Variants in EPS15L1 observed in about 807,000 individuals in gnomAD.
EPS15L1 encodes the protein epidermal growth factor receptor pathway substrate 15 like 1.
In EPS15L1, 43 loss-of-function variants were observed where a neutral mutation model predicts 117.1. The ratio of observed to expected loss-of-function variants is 0.37; its 90% CI spans 0.29 to 0.47. EPS15L1 has a LOEUF of 0.47. Among genes scored for constraint, EPS15L1 ranks in the 20% least tolerant of loss-of-function variants. The pLI, the probability that EPS15L1 is intolerant of heterozygous loss-of-function variation, is 0.99. For missense variants in EPS15L1, 981 were observed against 1,164.0 expected (o/e 0.84, Z 2.29); for synonymous variants, 459 against 470.5 (o/e 0.98, Z 0.32).
At chr19:16,459,346 G>A (rs2093226802) in intron 1 of EPS15L1, among the ~76,000 whole-genome samples, 1 of 152,154 alleles carries the variant, frequency 6.6e-6, no homozygotes, top group African/African-American at 2.4e-5. Flanking sequence ...TTGATTTGAT[G>A]GAAAAGCTGC....
chr19:16,377,212 C>T lies in EPS15L1; in HGVS notation c.2290G>A (p.Gly764Arg). The change falls in exon 22 of 24, where the codon GGA becomes AGA. Residue 764 changes from glycine to arginine, a missense_variant. Physicochemically the swap from Gly to Arg is moderately radical, Grantham distance 125. Transcript: ENST00000455140. ...GPFTSSLGGA[G>R]FSDDPFKSKQ... ...CTTTTAAAGGGGTCATCTGAGAATC[C>T]TGCCCCTCCCAAGGAGGAGGTGAAA... is the stretch of plus-strand genomic sequence containing the variant. The T allele has an allele frequency of 6.2e-7, 1 of 1,612,736 alleles. No homozygotes were observed. Among genetic ancestry groups the T allele is most frequent in the Non-Finnish European group, 8.5e-7 (1 of 1,179,400 alleles).
rs562726584 is a variant in EPS15L1, at chr19:16,419,149, G to T, written c.951-1045C>A. Among the ~76,000 whole-genome samples, 14 of 152,210 alleles carry T rather than the reference G, an allele frequency of 9.2e-5. 1 individual carries two copies. The highest frequency in any genetic ancestry group is 2.1e-4 in the Non-Finnish European group (14 of 68,030). On this transcript the variant is annotated intron_variant, in intron 10 of 23. Coordinates refer to ENST00000455140, the MANE Select transcript of EPS15L1 (RefSeq NM_001258374.3). ...CTGTGGAGCTGAGGTGAGAGGCTCC[G>T]CGACACTCACAATCAAGGAGCCAGC... is the stretch of plus-strand genomic sequence containing the variant.
At chr19:16,431,667 A>C (rs1453913175) in intron 7 of EPS15L1, among the ~76,000 whole-genome samples, 1 of 152,210 alleles carries the variant, frequency 6.6e-6, no homozygotes, top group Non-Finnish European at 1.5e-5. Flanking sequence ...AATTTATCAT[A>C]TCTTTCAGAG....
intron 16 of EPS15L1, among the ~76,000 whole-genome samples, chr19:16,399,147 C>T (rs2092571366): frequency 6.6e-6 from 1 of 152,188 alleles, no homozygotes; most frequent in Non-Finnish European, 1.5e-5. Flanking sequence ...AGTCATTGGC[C>T]TGAAGCCACA....
At chr19:16,465,148 T>G (rs1157319650) in intron 1 of EPS15L1, among the ~76,000 whole-genome samples, 1 of 151,904 alleles carries the variant, frequency 6.6e-6, no homozygotes, top group African/African-American at 2.4e-5. Context: ...TGTGTTGGGC[T>G]GCATTCAAAG....
Position 16,417,948 on chromosome 19 carries a change from C to G in EPS15L1, c.1107G>C (p.Pro369=). The change falls in exon 11 of 24, where the codon CCG becomes CCC. Residue 369 remains proline, a splice_region_variant and synonymous_variant. Transcript: ENST00000455140. ...VPPSERGTPG[P]DSSGSLGSGE... ...CCAGGGCATGACCAGCACCACTCAC[C>G]GGGCCGGGCGTGCCTCTCTCCGAAG... The G allele has an allele frequency of 1.9e-6, 3 of 1,611,992 alleles. No individual in the cohort carries two copies. The highest frequency in any genetic ancestry group is 2.5e-6 in the Non-Finnish European group (3 of 1,179,072).
rs1284138313 is a variant in EPS15L1, at chr19:16,471,930, T to G, written c.16A>C (p.Ile6Leu). 1 of 1,293,464 alleles carries G rather than the reference T, an allele frequency of 7.7e-7. No individual in the cohort carries two copies. Among genetic ancestry groups the G allele is most frequent in the Non-Finnish European group, 9.8e-7 (1 of 1,022,240 alleles). The allele number at this position is 1,293,464 out of a possible 1,614,324, so 80.1% of individuals were successfully genotyped here. MAAPL[I>L]PLSQQIPTGN... ...GCCCGTACCTGCTGGGAGAGGGGGA[T>G]GAGCGGCGCCGCCATCTTCCCGCGG... The change falls in exon 1 of 24, where the codon ATC becomes CTC. Residue 6 changes from isoleucine to leucine, a missense_variant. This residue lies in a region of EPS15L1 where 37 missense variants were observed against 21.2 expected (regional missense o/e 1.75). Transcript: ENST00000455140. This position sits in a 1 kb window ranked among gnomAD's most constrained non-coding sequence, Gnocchi z 4.8.
intron 21 of EPS15L1, chr19:16,384,027 C>A (rs965992296): frequency 6.6e-6 from 1 of 152,508 alleles, no homozygotes; most frequent in African/African-American, 2.4e-5. Flanking sequence ...GGGGACCCCC[C>A]ACACCGGCCA....
intron 1 of EPS15L1, among the ~76,000 whole-genome samples, chr19:16,458,287 C>T (rs77582887): frequency 0.012 from 1,783 of 152,240 alleles, 32 homozygotes; most frequent in African/African-American, 0.041. Context: ...TCGAGGCTCC[C>T]GGACCCCACA....
At chr19:16,403,649 G>A in intron 15 of EPS15L1, 84 bp downstream of exon 15, 1 of 1,294,682 alleles carries the variant, frequency 7.7e-7, no homozygotes, top group East Asian at 2.3e-5. Context: ...AAGGGTGAGA[G>A]CAAAGGAGTT....
At chr19:16,389,929 T>C (rs769061558) in intron 19 of EPS15L1, among the ~76,000 whole-genome samples, 5 of 151,404 alleles carry the variant, frequency 3.3e-5, no homozygotes, top group African/African-American at 7.3e-5. Context: ...ATAGACAGAA[T>C]TCAAAAAAAC....
At chr19:16,359,336 C>T (rs2092021957) in intron 23 of EPS15L1, among the ~76,000 whole-genome samples, 1 of 152,176 alleles carries the variant, frequency 6.6e-6, no homozygotes, top group African/African-American at 2.4e-5. Flanking sequence ...AAACCACCAG[C>T]TGATCGGCTG....
intron 7 of EPS15L1, among the ~76,000 whole-genome samples, chr19:16,429,333 G>A (rs1035401766): frequency 3.3e-5 from 5 of 152,066 alleles, no homozygotes; most frequent in East Asian, 1.9e-4. Flanking sequence ...GCACCATCAC[G>A]CTGCCAGCTT....
intron 23 of EPS15L1, 34 bp downstream of exon 23, chr19:16,361,745 G>A (rs749331843): frequency 1.8e-5 from 28 of 1,595,226 alleles, no homozygotes; most frequent in Non-Finnish European, 2.4e-5. Context: ...GCGGAAGGGA[G>A]TGGGGTGGCC....
intron 1 of EPS15L1, among the ~76,000 whole-genome samples, chr19:16,455,319 G>T (rs1320241131): frequency 6.7e-6 from 1 of 149,526 alleles, no homozygotes; most frequent in Non-Finnish European, 1.5e-5. Context: ...GATTGGGGGG[G>T]TCTCATTATT....
At chr19:16,392,491 C>A (rs1479717556) in intron 18 of EPS15L1, 51 bp from the exon 19 acceptor site, 1 of 1,541,730 alleles carries the variant, frequency 6.5e-7, no homozygotes. Context: ...TGAAAGAACC[C>A]AGACATAAAA....
chr19:16,429,212 TC>T (rs1460936331), intron 7 of EPS15L1, among the ~76,000 whole-genome samples: 1 of 152,102 alleles, frequency 6.6e-6, no homozygotes, highest in Non-Finnish European at 1.5e-5. Flanking sequence ...GGGTCTCGTC[TC>T]CACTCCCCAG....
At chr19:16,424,304 G>T (rs1358914906) in intron 9 of EPS15L1, among the ~76,000 whole-genome samples, 2 of 152,126 alleles carry the variant, frequency 1.3e-5, no homozygotes, top group Non-Finnish European at 2.9e-5. Flanking sequence ...ATGCCGTCGT[G>T]GGGGCAGGAG....
chr19:16,433,058 G>A (rs574763077), intron 7 of EPS15L1, among the ~76,000 whole-genome samples: 5 of 151,652 alleles, frequency 3.3e-5, no homozygotes, highest in East Asian at 2.0e-4. Flanking sequence ...TAATCTGCCC[G>A]CCCCAGCCTC....
Sources: allele counts gnomAD v4.1 joint callset (sites outside exome capture counted in the v4.1 genomes callset), GRCh38; gene constraint gnomAD v4.1.1; regional missense constraint gnomAD v4.1.1; non-coding constraint Gnocchi (gnomAD v3.1); transcripts MANE v1.5; gene names NCBI Gene and HGNC (gene_info 2026-07-23, HGNC 2026-07-21).